Variants in CNTN1 observed in about 807,000 individuals in gnomAD.
CNTN1 encodes the protein contactin-1.
A neutral mutation model predicts 126.4 loss-of-function variants in CNTN1; 38 were observed. The ratio of observed to expected loss-of-function variants is 0.30; its 90% CI spans 0.23 to 0.39. CNTN1 has a LOEUF of 0.39. Ranked by LOEUF, CNTN1 falls within the 10% of genes least tolerant of loss-of-function variation. CNTN1 has a pLI of 1.00. For missense variants in CNTN1, 1,009 were observed against 1,248.4 expected, an observed-to-expected ratio of 0.81 and a Z score of 2.89; for synonymous variants, 413 against 422.6, an observed-to-expected ratio of 0.98 and a Z score of 0.28.
chr12:40,786,834 G>A (rs1940040936), intron 1 of CNTN1, among the ~76,000 whole-genome samples: 1 of 152,092 alleles, frequency 6.6e-6, no homozygotes, highest in African/African-American at 2.4e-5. Context: ...CCATCTCTCT[G>A]TCAATACCTT....
At chr12:40,754,505 A>G (rs907164253) in intron 1 of CNTN1, among the ~76,000 whole-genome samples, 2 of 151,732 alleles carry the variant, frequency 1.3e-5, no homozygotes, top group African/African-American at 4.8e-5. Context: ...TTGTTTTTTA[A>G]TGGTTTTGAA....
intron 1 of CNTN1, among the ~76,000 whole-genome samples, chr12:40,902,027 A>C (rs1470289862): frequency 1.3e-5 from 2 of 152,228 alleles, no homozygotes; most frequent in African/African-American, 4.8e-5. Context: ...GAGAGAGATA[A>C]TATTTATATG....
At chr12:41,050,176 A>T (rs988006591) in intron 23 of CNTN1, among the ~76,000 whole-genome samples, 2 of 152,214 alleles carry the variant, frequency 1.3e-5, no homozygotes, top group Non-Finnish European at 2.9e-5. Flanking sequence ...CTGGGATTAC[A>T]GGTGAGAGCC....
chr12:41,040,926 C>G (rs1949389249), intron 23 of CNTN1, among the ~76,000 whole-genome samples: 1 of 143,620 alleles, frequency 7.0e-6, no homozygotes, highest in South Asian at 2.2e-4. Context: ...TGCCTAATTG[C>G]CCTGGCCAGA....
At chr12:41,030,295 G>A (rs985078159) in intron 23 of CNTN1, among the ~76,000 whole-genome samples, 3 of 151,926 alleles carry the variant, frequency 2.0e-5, no homozygotes, top group African/African-American at 7.2e-5. Context: ...AGTATTTAAT[G>A]GTATTTAATA....
Position 40,910,104 on chromosome 12 carries a change from AG to A in CNTN1, c.94+1del. 2.5e-6 allele frequency: 4 copies of A among 1,604,594 alleles called. No homozygotes were observed. The highest frequency in any genetic ancestry group is 3.4e-6 in the Non-Finnish European group (4 of 1,172,302). On this transcript the variant is annotated frameshift_variant and splice_region_variant, in exon 3 of 24. Transcript: ENST00000551295. LOFTEE classifies it high-confidence loss of function. ...FTWYRRYGHG[V>X]SEEDKGFGPI... ...CATGGTATAGAAGATATGGTCATGG[AG>A]GTAAGTTGACCAAAGAGTAGACCTT...
At chr12:40,955,313 C>T (rs1037926576) in intron 14 of CNTN1, among the ~76,000 whole-genome samples, 4 of 152,104 alleles carry the variant, frequency 2.6e-5, no homozygotes, top group African/African-American at 9.7e-5. Context: ...CAAGGCTAAA[C>T]TCTTTACTAC....
chr12:40,947,741 A>T (rs1173807420), intron 14 of CNTN1, among the ~76,000 whole-genome samples: 1 of 147,192 alleles, frequency 6.8e-6, no homozygotes, highest in Non-Finnish European at 1.5e-5. Context: ...TAAAATTTCC[A>T]GTTTTGGAGA....
chr12:40,736,598 G>C (rs1738451367), intron 1 of CNTN1, among the ~76,000 whole-genome samples: 1 of 152,038 alleles, frequency 6.6e-6, no homozygotes, highest in African/African-American at 2.4e-5. Context: ...TATATATGAA[G>C]ACCTATGGTA....
intron 23 of CNTN1, among the ~76,000 whole-genome samples, chr12:41,049,708 C>A (rs150515795): frequency 6.6e-6 from 1 of 152,264 alleles, no homozygotes; most frequent in African/African-American, 2.4e-5. Flanking sequence ...GCACAAAAAC[C>A]TTTAATGGCT....
rs199956296 is a variant in CNTN1 at position 41,029,905 on chromosome 12, C to CT, written c.2980+695dup. On this transcript the variant is annotated intron_variant, in intron 23 of 23. Coordinates refer to ENST00000551295, the MANE Select transcript of CNTN1 (RefSeq NM_001843.4). ...ATACATATATTTGAGGCAGTCATTTCTTTTTTTTTATTTCTGGCAATCTGT... is the reference window on the plus strand; with the variant it reads ...ATACATATATTTGAGGCAGTCATTTCTTTTTTTTTTATTTCTGGCAATCTGT... 1.7e-3 allele frequency among the ~76,000 whole-genome samples: 250 copies of CT among 150,702 alleles called. 2 individuals carry two copies. The highest frequency in any genetic ancestry group is 5.7e-3 in the African/African-American group (233 of 41,144).
chr12:40,725,953 T>G (rs1194781926), intron 1 of CNTN1, among the ~76,000 whole-genome samples: 1 of 151,308 alleles, frequency 6.6e-6, no homozygotes, highest in Non-Finnish European at 1.5e-5. Flanking sequence ...TAATTTAAAA[T>G]AGTGAGGAAA....
At chr12:40,946,846 C>T (rs1946450859) in intron 14 of CNTN1, among the ~76,000 whole-genome samples, 1 of 152,142 alleles carries the variant, frequency 6.6e-6, no homozygotes, top group East Asian at 1.9e-4. Context: ...TCAAATTTCA[C>T]AGCCCGGTGT....
chr12:40,755,097 G>A (rs1367569892), intron 1 of CNTN1, among the ~76,000 whole-genome samples: 2 of 150,580 alleles, frequency 1.3e-5, no homozygotes, highest in African/African-American at 4.9e-5. Flanking sequence ...AGGCTGAGGT[G>A]GGAGGATTGC....
intron 13 of CNTN1, 104 bp downstream of exon 13, chr12:40,943,828 G>T: frequency 2.7e-6 from 4 of 1,470,566 alleles, no homozygotes; most frequent in Non-Finnish European, 2.8e-6. Flanking sequence ...TTTTTCAAAA[G>T]AATTTCAGGC....
At chr12:40,888,277 T>A (rs1944121334) in intron 1 of CNTN1, among the ~76,000 whole-genome samples, 1 of 152,188 alleles carries the variant, frequency 6.6e-6, no homozygotes, top group Non-Finnish European at 1.5e-5. Context: ...ACGGACTTTT[T>A]AAAATTTCAA....
At chr12:41,024,979 C>T (rs11614303) in intron 20 of CNTN1, among the ~76,000 whole-genome samples, 171 bp from the exon 21 acceptor site, 1 of 151,798 alleles carries the variant, frequency 6.6e-6, no homozygotes, top group East Asian at 1.9e-4. Context: ...CATTCCTGCC[C>T]TGTATGCTTT....
At chr12:40,818,051 T>G (rs1257381351) in intron 1 of CNTN1, among the ~76,000 whole-genome samples, 1 of 152,194 alleles carries the variant, frequency 6.6e-6, no homozygotes, top group Non-Finnish European at 1.5e-5. Flanking sequence ...CTAATGGGCT[T>G]CCCTTTGTAG....
chr12:40,952,302 G>A (rs1946719574), intron 14 of CNTN1, among the ~76,000 whole-genome samples: 1 of 151,938 alleles, frequency 6.6e-6, no homozygotes, highest in Non-Finnish European at 1.5e-5. Flanking sequence ...GTTACTTCTG[G>A]AACTCAGAAG....
Sources: gnomAD v4.1 joint callset for allele counts (sites outside exome capture counted in the v4.1 genomes callset) on GRCh38, gnomAD v4.1.1 for gene constraint, MANE v1.5 for transcripts, NCBI Gene and HGNC (gene_info 2026-07-23, HGNC 2026-07-21) for gene names.